The following PDE2A variants were observed in gnomAD, a reference collection of about 807,000 sequenced individuals.
The protein encoded by PDE2A is cGMP-dependent 3',5'-cyclic phosphodiesterase.
In PDE2A, 53 loss-of-function variants were observed where a neutral mutation model predicts 133.6. The ratio of observed to expected loss-of-function variants is 0.40; its 90% confidence interval spans 0.32 to 0.50. The LOEUF is 0.50. Ranked by LOEUF, PDE2A falls within the 20% of genes least tolerant of loss-of-function variation. The pLI, the probability that PDE2A is intolerant of heterozygous loss-of-function variation, is 0.73. For missense variants in PDE2A, 796 were observed against 1,232.4 expected (o/e 0.65, Z 5.30); for synonymous variants, 491 against 490.2 (o/e 1.00, Z -0.02).
Position 72,586,077 on chromosome 11 carries a change from T to C in PDE2A, c.1175A>G (p.Glu392Gly). ...AFQKEQKLKC[E>G]CQALLQVAKN... ...TGAAGGCAGGTCACTCACCTGGCAC[T>C]CACACTTGAGTTTCTGTTCCTTCTG... The change falls in exon 14 of 31, where the codon GAG becomes GGG. Residue 392 changes from glutamate (E) to glycine (G), a missense_variant. Physicochemically the swap from Glu to Gly is moderately conservative, Grantham distance 98. Transcript: ENST00000334456. 1.2e-6 allele frequency: 2 copies of C among 1,600,140 alleles called. No homozygotes were observed. The highest frequency in any genetic ancestry group is 1.7e-6 in the Non-Finnish European group (2 of 1,169,604).
At chr11:72,596,187 G>A (rs556994512) in intron 6 of PDE2A, among the ~76,000 whole-genome samples, 1 of 152,186 alleles carries the variant, frequency 6.6e-6, no homozygotes, top group Admixed American at 6.5e-5. Flanking sequence ...CTTGGTTCAT[G>A]CCCTCCTGGA....
At chr11:72,661,627 A>C (rs1646499696) in intron 1 of PDE2A, among the ~76,000 whole-genome samples, 2 of 152,338 alleles carry the variant, frequency 1.3e-5, no homozygotes, top group African/African-American at 4.8e-5. Flanking sequence ...GAATGACAGG[A>C]ATTAGCCAGG....
intron 2 of PDE2A, among the ~76,000 whole-genome samples, chr11:72,624,294 T>C (rs1857934945): frequency 6.6e-6 from 1 of 152,180 alleles, no homozygotes. Context: ...GAGCAATCTT[T>C]TAAAACCATC....
intron 2 of PDE2A, among the ~76,000 whole-genome samples, chr11:72,610,318 G>C (rs1205367842): frequency 6.6e-6 from 1 of 152,152 alleles, no homozygotes; most frequent in Non-Finnish European, 1.5e-5. Flanking sequence ...ATGCTACAAA[G>C]GCATGCCACA....
At chr11:72,627,187 T>C (rs1302841820) in intron 2 of PDE2A, among the ~76,000 whole-genome samples, 1 of 152,202 alleles carries the variant, frequency 6.6e-6, no homozygotes. Context: ...ACCTACCATA[T>C]ACCAGGCCTA....
chr11:72,612,500 A>C (rs1857256561), intron 2 of PDE2A, among the ~76,000 whole-genome samples: 1 of 152,164 alleles, frequency 6.6e-6, no homozygotes, highest in South Asian at 2.1e-4. Flanking sequence ...TGACTACAGA[A>C]GTTCTGTGTG....
intron 1 of PDE2A, among the ~76,000 whole-genome samples, chr11:72,662,149 G>A (rs1855086113): frequency 6.6e-6 from 1 of 152,192 alleles, no homozygotes; most frequent in South Asian, 2.1e-4. Flanking sequence ...AGGAGAAGCT[G>A]GGGCAGGGAG....
chr11:72,636,156 G>T, intron 2 of PDE2A: 1 of 1,149,870 alleles, frequency 8.7e-7, no homozygotes, highest in Non-Finnish European at 1.1e-6. Context: ...GAGGGGCCCT[G>T]CCGGCTACTC....
intron 27 of PDE2A, 49 bp from the exon 28 acceptor site, chr11:72,579,058 CT>C (rs772847545): frequency 5.1e-6 from 7 of 1,384,290 alleles, no homozygotes; most frequent in Non-Finnish European, 7.2e-6. Context: ...CCTCTTTGCC[CT>C]TCTGAGGACA....
In PDE2A at chr11:72,590,604, G is replaced by A. The variant is rs1856200903; in HGVS notation, c.550-24C>T. On this transcript the variant is annotated intron_variant, in intron 7 of 30. Coordinates refer to ENST00000334456, the MANE Select transcript of PDE2A (RefSeq NM_002599.5). The surrounding 1 kb of genome is among the most constrained non-coding windows in gnomAD (Gnocchi z 4.8). ...GTCTGGGGCAGGCCGAGCGGTTAGC[G>A]CGCCGCTCGCCCCAAGCTCGCTGCG... The A allele has an allele frequency of 2.2e-6, 3 of 1,351,110 alleles. No individual in the cohort carries two copies. Among genetic ancestry groups the A allele is most frequent in the Admixed American group, 3.9e-5 (1 of 25,780 alleles). The allele number at this position is 1,351,110 out of a possible 1,614,324, so 83.7% of individuals were successfully genotyped here.
At chr11:72,605,275 G>T in intron 3 of PDE2A, 49 bp from the exon 4 acceptor site, 2 of 1,219,296 alleles carry the variant, frequency 1.6e-6, no homozygotes, top group Non-Finnish European at 2.4e-6. Flanking sequence ...CCTCCCAGCT[G>T]CCCAGTCCCA....
chr11:72,657,305 C>T (rs1373597040), intron 1 of PDE2A, among the ~76,000 whole-genome samples: 2 of 152,004 alleles, frequency 1.3e-5, no homozygotes, highest in South Asian at 4.2e-4. Context: ...GGGCCTCAAA[C>T]AGGAACAAGG....
At chr11:72,664,766 C>T (rs1855186133) in intron 1 of PDE2A, among the ~76,000 whole-genome samples, 1 of 151,996 alleles carries the variant, frequency 6.6e-6, no homozygotes, top group Non-Finnish European at 1.5e-5. Flanking sequence ...AACATTAGTT[C>T]TCTCCATCTG....
chr11:72,656,378 G>A (rs578132091), intron 1 of PDE2A, among the ~76,000 whole-genome samples: 2 of 152,034 alleles, frequency 1.3e-5, no homozygotes, highest in Non-Finnish European at 2.9e-5. Context: ...TGAGGGGCTC[G>A]GGGGGGCCCT....
chr11:72,601,871 A>T (rs1481671259), intron 4 of PDE2A, among the ~76,000 whole-genome samples: 2 of 152,110 alleles, frequency 1.3e-5, no homozygotes, highest in African/African-American at 4.8e-5. Context: ...CAGAATGTTC[A>T]GCGTATCATT....
intron 13 of PDE2A, among the ~76,000 whole-genome samples, chr11:72,587,078 C>T (rs996136071): frequency 1.3e-5 from 2 of 152,198 alleles, no homozygotes; most frequent in Admixed American, 6.5e-5. Context: ...GGCTCTTTCA[C>T]ACCTTCATGC....
chr11:72,647,075 C>T (rs1047273380), intron 1 of PDE2A, among the ~76,000 whole-genome samples: 2 of 152,224 alleles, frequency 1.3e-5, no homozygotes, highest in African/African-American at 2.4e-5. Flanking sequence ...CATGGTCCAG[C>T]CAAGCTGGGA....
In PDE2A at chr11:72,658,359, C is replaced by T. The variant is rs527282059; in HGVS notation, c.71+15778G>A. On this transcript the variant is annotated intron_variant, in intron 1 of 30. Transcript: ENST00000334456. ...CCACCCTCATCCAAGCAGGCTGGAG[C>T]TGTGGTTCTGATCCCTCCCAGGACT... 5.0e-5 allele frequency: 18 copies of T among 358,066 alleles called. No individual in the cohort carries two copies. In the Admixed American group the frequency reaches 6.8e-4, roughly 14 times the overall value. The allele number at this position is 358,066 out of a possible 1,614,324, so 22.2% of individuals were successfully genotyped here.
At chr11:72,615,736 T>A (rs1565172355) in intron 2 of PDE2A, among the ~76,000 whole-genome samples, 1 of 152,174 alleles carries the variant, frequency 6.6e-6, no homozygotes, top group African/African-American at 2.4e-5. Context: ...ATCACAGTCA[T>A]CCTGGTCACC....
Sources: gnomAD v4.1 joint callset for allele counts (sites outside exome capture counted in the v4.1 genomes callset) on GRCh38, gnomAD v4.1.1 for gene constraint, Gnocchi (gnomAD v3.1) non-coding constraint, MANE v1.5 for transcripts, NCBI Gene and HGNC (gene_info 2026-07-23, HGNC 2026-07-21) for gene names.